The following SAMD5 variants were observed in gnomAD, a reference collection of about 807,000 sequenced individuals.
The protein encoded by SAMD5 is sterile alpha motif domain-containing protein 5.
A neutral mutation model predicts 11.3 loss-of-function variants in SAMD5; 13 were observed. The observed-to-expected ratio is 1.15, with a 90% CI of 0.75 to 1.83. The LOEUF (loss-of-function observed/expected upper bound fraction) is 1.83, where lower values mean the gene tolerates loss of function less well. Ranked by LOEUF, SAMD5 falls within the 40% of genes most tolerant of loss-of-function variation. The pLI is 0.00. For missense variants in SAMD5, 255 were observed against 239.1 expected, an observed-to-expected ratio of 1.07 and a Z score of -0.44; for synonymous variants, 129 against 111.3, an observed-to-expected ratio of 1.16 and a Z score of -1.00.
chr6:147,655,584 C>T (rs956701778), intron 1 of SAMD5, among the ~76,000 whole-genome samples: 20 of 152,152 alleles, frequency 1.3e-4, no homozygotes, highest in South Asian at 4.2e-4. Context: ...TCAGCTCTTG[C>T]AGTACATCAT....
the SAMD5 span, among the ~76,000 whole-genome samples, chr6:147,795,241 G>T: frequency 3.2e-5 from 4 of 125,462 alleles, no homozygotes; most frequent in Non-Finnish European, 6.4e-5. Context: ...ACAGTCCCCA[G>T]AGTGTGATGT....
chr6:147,796,900 T>C, the SAMD5 span, among the ~76,000 whole-genome samples: 1,123 of 149,544 alleles, frequency 7.5e-3, 13 homozygotes, highest in Middle Eastern at 0.041. Context: ...ATGCTTGTGA[T>C]TTTTGCACAT....
chr6:147,737,237 T>A (rs1376612294), intron 1 of SAMD5: 7 of 774,254 alleles, frequency 9.0e-6, no homozygotes. Flanking sequence ...AGTTTTCAGT[T>A]CCCCCTTCAC....
chr6:147,606,953 C>G (rs1406017626), intron 1 of SAMD5, among the ~76,000 whole-genome samples: 1 of 101,420 alleles, frequency 9.9e-6, no homozygotes, highest in East Asian at 2.6e-4. Flanking sequence ...AAATCTGTAG[C>G]AGCTTTATCC....
the SAMD5 span, among the ~76,000 whole-genome samples, chr6:147,929,370 A>G: frequency 1.3e-5 from 2 of 152,122 alleles, no homozygotes; most frequent in African/African-American, 4.8e-5. Context: ...CAGGAAACCA[A>G]ATCTCCTGAT....
chr6:147,691,994 C>CAA (rs35068111), intron 1 of SAMD5, among the ~76,000 whole-genome samples: 1 of 150,812 alleles, frequency 6.6e-6, no homozygotes, highest in African/African-American at 2.4e-5. Flanking sequence ...CACACACACA[C>CAA]CCCCCTGATT....
the SAMD5 span, among the ~76,000 whole-genome samples, chr6:147,759,398 G>A: frequency 6.6e-6 from 1 of 152,040 alleles, no homozygotes; most frequent in Admixed American, 6.6e-5. Context: ...CTAGATGCTG[G>A]GCCAACTGAA....
At chr6:147,693,329 C>T (rs1255104465) in intron 1 of SAMD5, among the ~76,000 whole-genome samples, 2 of 152,194 alleles carry the variant, frequency 1.3e-5, no homozygotes, top group Non-Finnish European at 2.9e-5. Flanking sequence ...CAGTCTTTCA[C>T]CTCTGACAGC....
chr6:147,733,893 T>TA (rs964022913), intron 1 of SAMD5: 1 of 186,258 alleles, frequency 5.4e-6, no homozygotes, highest in African/African-American at 2.4e-5. Flanking sequence ...CGGACAGTGT[T>TA]AACTATGAGT....
At chr6:147,871,072 ACTTG>A in the SAMD5 span, among the ~76,000 whole-genome samples, 12 of 152,320 alleles carry the variant, frequency 7.9e-5, no homozygotes, top group African/African-American at 2.9e-4. Flanking sequence ...TGATATAATT[ACTTG>A]CTTCATTAGA....
chr6:147,792,397 T>G, the SAMD5 span, among the ~76,000 whole-genome samples: 1 of 152,176 alleles, frequency 6.6e-6, no homozygotes, highest in Admixed American at 6.5e-5. Flanking sequence ...GGGAGAAAGC[T>G]AGAATGCTCC....
At chr6:147,511,659 T>C (rs1313866282) in intron 1 of SAMD5, among the ~76,000 whole-genome samples, 1 of 151,910 alleles carries the variant, frequency 6.6e-6, no homozygotes, top group African/African-American at 2.4e-5. Flanking sequence ...TGACAAACTT[T>C]ATTGTAACAC....
chr6:147,849,533 A>G, the SAMD5 span, among the ~76,000 whole-genome samples: 2 of 152,128 alleles, frequency 1.3e-5, no homozygotes, highest in Non-Finnish European at 2.9e-5. Flanking sequence ...TTAGTATTGC[A>G]TTATGTTGGT....
the SAMD5 span, among the ~76,000 whole-genome samples, chr6:147,804,746 A>G: frequency 6.6e-6 from 1 of 151,924 alleles, no homozygotes; most frequent in Non-Finnish European, 1.5e-5. Flanking sequence ...ACAGCACTAG[A>G]GAGTGTTGAA....
the SAMD5 span, among the ~76,000 whole-genome samples, chr6:147,926,887 G>A: frequency 0.14 from 21,262 of 152,016 alleles, 1,838 homozygotes; most frequent in African/African-American, 0.24. Flanking sequence ...AATCTTCTGC[G>A]TATGGCTAGC....
chr6:147,905,046 G>T, the SAMD5 span, among the ~76,000 whole-genome samples: 1 of 151,852 alleles, frequency 6.6e-6, no homozygotes, highest in East Asian at 1.9e-4. Context: ...GCGCCACCAC[G>T]CCCAGCTAAT....
Position 147,508,898 on chromosome 6 carries a change from G to A in SAMD5, c.-31G>A, listed in dbSNP as rs949092748. 2.5e-6 allele frequency: 4 copies of A among 1,583,124 alleles called. No individual in the cohort carries two copies. Among genetic ancestry groups the A allele is most frequent in the Non-Finnish European group, 8.6e-7 (1 of 1,166,134 alleles). ...GCCCGTGCCATTTGGGCGCTGGGAAGGTGCTCGGCGGCGGGGTTCCCGGTC... is the reference window on the plus strand; with the variant it reads ...GCCCGTGCCATTTGGGCGCTGGGAAAGTGCTCGGCGGCGGGGTTCCCGGTC... On this transcript the variant is annotated 5_prime_UTR_variant, in exon 1 of 2. Coordinates refer to ENST00000367474, the MANE Select transcript of SAMD5 (RefSeq NM_001030060.3).
the SAMD5 span, among the ~76,000 whole-genome samples, chr6:147,929,550 A>G: frequency 0.12 from 18,429 of 152,214 alleles, 1,339 homozygotes; most frequent in South Asian, 0.29. Context: ...AAAATGAAGA[A>G]ATAAAAGGAA....
intron 1 of SAMD5, among the ~76,000 whole-genome samples, chr6:147,541,456 G>A (rs745715000): frequency 2.0e-5 from 3 of 152,048 alleles, no homozygotes; most frequent in East Asian, 3.9e-4. Flanking sequence ...ACTTTTTCCC[G>A]TTGGTCCCTG....
Sources: gnomAD v4.1 joint callset for allele counts (sites outside exome capture counted in the v4.1 genomes callset) on GRCh38, gnomAD v4.1.1 for gene constraint, MANE v1.5 for transcripts, NCBI Gene and HGNC (gene_info 2026-07-23, HGNC 2026-07-21) for gene names.